The following RCAN2 variants were observed in gnomAD, a reference collection of about 807,000 sequenced individuals.
RCAN2 encodes the protein calcipressin-2.
A neutral mutation model predicts 23.6 loss-of-function variants in RCAN2; 9 were observed. The observed-to-expected ratio is 0.38, with a 90% CI of 0.23 to 0.67. The LOEUF (loss-of-function observed/expected upper bound fraction) is 0.67, where lower values mean the gene tolerates loss of function less well. Ranked by LOEUF, RCAN2 falls within the 30% of genes least tolerant of loss-of-function variation. The pLI is 0.51. For missense variants in RCAN2, 273 were observed against 302.3 expected, an observed-to-expected ratio of 0.90 and a Z score of 0.72; for synonymous variants, 109 against 115.7, an observed-to-expected ratio of 0.94 and a Z score of 0.37.
At chr6:46,277,966 C>T (rs549778652) in intron 2 of RCAN2, among the ~76,000 whole-genome samples, 3 of 152,026 alleles carry the variant, frequency 2.0e-5, no homozygotes, top group Non-Finnish European at 4.4e-5. Context: ...AAGACGGAGG[C>T]GCTTTAAGAG....
intron 4 of RCAN2, among the ~76,000 whole-genome samples, chr6:46,234,971 A>G (rs910058439): frequency 6.6e-6 from 1 of 152,164 alleles, no homozygotes; most frequent in Non-Finnish European, 1.5e-5. Context: ...ACTTGGTGAC[A>G]TGGTACAACC....
At chr6:46,306,149 T>C (rs1253907244) in intron 2 of RCAN2, among the ~76,000 whole-genome samples, 1 of 152,096 alleles carries the variant, frequency 6.6e-6, no homozygotes, top group Non-Finnish European at 1.5e-5. Flanking sequence ...AGGGTGCCAA[T>C]GGCAGTGTGG....
intron 2 of RCAN2, among the ~76,000 whole-genome samples, chr6:46,297,249 T>C (rs1762753456): frequency 6.6e-6 from 1 of 152,126 alleles, no homozygotes; most frequent in Non-Finnish European, 1.5e-5. Context: ...CAGACACTGA[T>C]TGGCTCAGCA....
At chr6:46,443,977 CT>C (rs936268886) in intron 2 of RCAN2, among the ~76,000 whole-genome samples, 9 of 152,184 alleles carry the variant, frequency 5.9e-5, no homozygotes, top group African/African-American at 2.2e-4. Context: ...CTCTCTGTGT[CT>C]TAATTTGGTC....
At chr6:46,309,521 G>C (rs913972859) in intron 2 of RCAN2, among the ~76,000 whole-genome samples, 3 of 152,166 alleles carry the variant, frequency 2.0e-5, no homozygotes, top group Non-Finnish European at 4.4e-5. Flanking sequence ...CATGGCTCTT[G>C]AAACTCTGAT....
At position 46,308,734 on chromosome 6, in the gene RCAN2, G is replaced by A. The variant is rs143702803; in HGVS notation, c.226-59838C>T. Among the ~76,000 whole-genome samples, 13 of 152,214 alleles carry A rather than the reference G, an allele frequency of 8.5e-5. No individual in the cohort carries two copies. In the East Asian group the frequency reaches 2.5e-3, roughly 29 times the overall value. ...AAACAGCTTTCTTCAAAGAACAAAA[G>A]TACTTTTCTGGCAAAGAGCAGACTT... On this transcript the variant is annotated intron_variant, in intron 2 of 4. Transcript: ENST00000371374.
chr6:46,318,057 T>C (rs912338912), intron 2 of RCAN2, among the ~76,000 whole-genome samples: 2 of 152,342 alleles, frequency 1.3e-5, no homozygotes, highest in East Asian at 1.9e-4. Context: ...ACATATAATA[T>C]TGATCCATGG....
chr6:46,317,698 C>T (rs1235855336), intron 2 of RCAN2, among the ~76,000 whole-genome samples: 1 of 152,122 alleles, frequency 6.6e-6, no homozygotes, highest in Admixed American at 6.5e-5. Context: ...ATCTCCTGAC[C>T]TTCTGATCTG....
chr6:46,302,832 C>G (rs753282238), intron 2 of RCAN2, among the ~76,000 whole-genome samples: 1 of 152,000 alleles, frequency 6.6e-6, no homozygotes, highest in Non-Finnish European at 1.5e-5. Context: ...AACAAAAATT[C>G]TGAGGAGTTG....
At chr6:46,338,656 C>T (rs1764213041) in intron 2 of RCAN2, among the ~76,000 whole-genome samples, 1 of 152,162 alleles carries the variant, frequency 6.6e-6, no homozygotes, top group Non-Finnish European at 1.5e-5. Context: ...CCAGATTTGG[C>T]TTTGTGTGAA....
chr6:46,487,731 G>A (rs978812478), intron 1 of RCAN2, among the ~76,000 whole-genome samples: 1 of 152,220 alleles, frequency 6.6e-6, no homozygotes, highest in Non-Finnish European at 1.5e-5. Flanking sequence ...CCAGGACCAT[G>A]CTTCCCCAAC....
chr6:46,358,785 C>G (rs1764914324), intron 2 of RCAN2, among the ~76,000 whole-genome samples: 1 of 152,086 alleles, frequency 6.6e-6, no homozygotes, highest in Non-Finnish European at 1.5e-5. Flanking sequence ...TTTAGAATCA[C>G]CTGGGAGATA....
chr6:46,466,823 G>A (rs1430572327), intron 1 of RCAN2, among the ~76,000 whole-genome samples: 1 of 152,136 alleles, frequency 6.6e-6, no homozygotes, highest in Admixed American at 6.5e-5. Context: ...CAGGAGCAGC[G>A]ACAATCATTG....
chr6:46,402,173 C>G (rs1391578941), intron 2 of RCAN2, among the ~76,000 whole-genome samples: 1 of 152,182 alleles, frequency 6.6e-6, no homozygotes, highest in Non-Finnish European at 1.5e-5. Flanking sequence ...CCTGAAAGAG[C>G]TGGATTCAGT....
intron 2 of RCAN2, among the ~76,000 whole-genome samples, chr6:46,353,368 T>C (rs181110888): frequency 8.1e-4 from 123 of 152,054 alleles, no homozygotes; most frequent in Non-Finnish European, 3.4e-4. Flanking sequence ...AGGAGAGAAT[T>C]TGAAAGAACT....
intron 2 of RCAN2, among the ~76,000 whole-genome samples, chr6:46,369,355 T>C (rs541620390): frequency 3.9e-5 from 6 of 152,354 alleles, no homozygotes; most frequent in African/African-American, 9.6e-5. Flanking sequence ...AAGTATACTA[T>C]AGTAAACTGG....
At chr6:46,282,572 C>G (rs1762235650) in intron 2 of RCAN2, among the ~76,000 whole-genome samples, 1 of 152,048 alleles carries the variant, frequency 6.6e-6, no homozygotes, top group Non-Finnish European at 1.5e-5. Flanking sequence ...AAAAGATGAC[C>G]CTCTATCTTC....
intron 2 of RCAN2, among the ~76,000 whole-genome samples, chr6:46,410,605 G>A (rs1766522290): frequency 6.6e-6 from 1 of 152,082 alleles, no homozygotes; most frequent in East Asian, 1.9e-4. Context: ...CTCTTAAAAT[G>A]GAAATCTTTT....
chr6:46,346,589 G>C (rs1412048248), intron 2 of RCAN2, among the ~76,000 whole-genome samples: 1 of 151,966 alleles, frequency 6.6e-6, no homozygotes, highest in Non-Finnish European at 1.5e-5. Context: ...ATTAAAAGTA[G>C]GTTCTTAAAG....
Sources: gnomAD v4.1 joint callset for allele counts (sites outside exome capture counted in the v4.1 genomes callset) on GRCh38, gnomAD v4.1.1 for gene constraint, MANE v1.5 for transcripts, NCBI Gene and HGNC (gene_info 2026-07-23, HGNC 2026-07-21) for gene names.